ZNF157: variants seen among roughly 807,000 people sequenced by gnomAD.
The protein encoded by ZNF157 is zinc finger protein 157.
A neutral mutation model predicts 9.4 loss-of-function variants in ZNF157; 8 were observed. That is an observed-to-expected ratio of 0.85 (90% confidence interval 0.50 to 1.53). ZNF157 has a LOEUF of 1.53. Ranked by LOEUF, ZNF157 falls within the 40% of genes most tolerant of loss-of-function variation. ZNF157 has a pLI of 0.00. For missense variants in ZNF157, 316 were observed against 385.2 expected, an observed-to-expected ratio of 0.82 and a Z score of 1.50; for synonymous variants, 120 against 130.8, an observed-to-expected ratio of 0.92 and a Z score of 0.56.
chrX:47,384,790 T>C (rs2055874759), intron 1 of ZNF157, among the ~76,000 whole-genome samples: 1 of 112,457 alleles, frequency 8.9e-6, no homozygotes, highest in African/African-American at 3.2e-5. Flanking sequence ...GCCCTTATGA[T>C]TGAAGGACAT....
chrX:47,384,963 A>C (rs952611258), intron 1 of ZNF157, among the ~76,000 whole-genome samples: 16 of 111,529 alleles, frequency 1.4e-4, no homozygotes, highest in African/African-American at 5.2e-4. Flanking sequence ...ACAACCAGGT[A>C]GACTCCTTTC....
intron 1 of ZNF157, among the ~76,000 whole-genome samples, chrX:47,380,968 GAGC>G (rs2055860483): frequency 1.0e-5 from 1 of 100,391 alleles, no homozygotes; most frequent in Non-Finnish European, 2.0e-5. Context: ...AGAAAAGGAG[GAGC>G]AGGAGGAGGA....
chrX:47,377,613 G>T (rs1345826178), intron 1 of ZNF157, among the ~76,000 whole-genome samples: 1 of 109,070 alleles, frequency 9.2e-6, no homozygotes, highest in African/African-American at 3.3e-5. Flanking sequence ...TGTATTTTTA[G>T]TAGAAATGGG....
intron 1 of ZNF157, among the ~76,000 whole-genome samples, chrX:47,396,086 A>G (rs1293625436): frequency 9.0e-6 from 1 of 111,188 alleles, no homozygotes; most frequent in Non-Finnish European, 1.9e-5. Flanking sequence ...TTATATATCC[A>G]CACACGTATG....
At chrX:47,385,115 A>G (rs745404287) in intron 1 of ZNF157, among the ~76,000 whole-genome samples, 15 of 111,814 alleles carry the variant, frequency 1.3e-4, no homozygotes, top group African/African-American at 4.9e-4. Context: ...TGGATGTCCC[A>G]ATGGCGTCCA....
chrX:47,410,837 G>A lies in ZNF157; in HGVS notation c.295+62G>A, dbSNP rs892498165. On this transcript the variant is annotated intron_variant, in intron 3 of 3. Transcript: ENST00000377073. ...GGGGAAATAAGAGCCCAGGAATTCAGGTCAAAGGGTATGCTTGTGCAACAC... is the reference window on the plus strand; with the variant it reads ...GGGGAAATAAGAGCCCAGGAATTCAAGTCAAAGGGTATGCTTGTGCAACAC... 28 of 928,809 alleles carry A rather than the reference G, an allele frequency of 3.0e-5. No individual in the cohort carries two copies. In the South Asian group the frequency reaches 5.0e-4, roughly 17 times the overall value. The allele number at this position is 928,809 out of a possible 1,213,427, so 76.5% of individuals were successfully genotyped here.
intron 1 of ZNF157, among the ~76,000 whole-genome samples, chrX:47,382,595 CTTTTTT>C (rs772429046): frequency 1.0e-5 from 1 of 96,791 alleles, no homozygotes; most frequent in Non-Finnish European, 2.1e-5. Context: ...GGCATGTAGC[CTTTTTT>C]TTTTTTTTAA....
intron 1 of ZNF157, among the ~76,000 whole-genome samples, chrX:47,399,333 C>T (rs1473561990): frequency 9.0e-6 from 1 of 111,511 alleles, no homozygotes; most frequent in African/African-American, 3.3e-5. Flanking sequence ...CACAATCTAT[C>T]TCATTAGGCC....
chrX:47,371,616 C>A (rs1360519127), intron 1 of ZNF157, among the ~76,000 whole-genome samples: 7 of 111,606 alleles, frequency 6.3e-5, no homozygotes, highest in Admixed American at 3.8e-4. Context: ...ATAGTTCATT[C>A]ATTTTTTTTG....
At chrX:47,376,849 A>T (rs1428185470) in intron 1 of ZNF157, among the ~76,000 whole-genome samples, 1 of 111,472 alleles carries the variant, frequency 9.0e-6, no homozygotes, top group Non-Finnish European at 1.9e-5. Flanking sequence ...CTTAGGGAGG[A>T]ACTTAGTTTG....
At chrX:47,405,447 C>T (rs1354232112) in intron 1 of ZNF157, among the ~76,000 whole-genome samples, 2 of 109,802 alleles carry the variant, frequency 1.8e-5, no homozygotes, top group Non-Finnish European at 3.8e-5. Context: ...CACTTCCCAG[C>T]AGGCCCCTCC....
At chrX:47,406,250 G>A (rs768429345) in intron 1 of ZNF157, among the ~76,000 whole-genome samples, 145 of 110,177 alleles carry the variant, frequency 1.3e-3, no homozygotes, top group Non-Finnish European at 1.6e-3. Flanking sequence ...TTTAATAAGC[G>A]AATTAAGCCC....
intron 1 of ZNF157, among the ~76,000 whole-genome samples, chrX:47,381,251 G>C (rs1198357916): frequency 9.1e-6 from 1 of 110,476 alleles, no homozygotes; most frequent in Non-Finnish European, 1.9e-5. Context: ...GAGGAGCAGG[G>C]AGCAATTATT....
intron 1 of ZNF157, among the ~76,000 whole-genome samples, chrX:47,399,985 TTCTC>T (rs1261546048): frequency 2.0e-5 from 2 of 98,767 alleles, no homozygotes; most frequent in Non-Finnish European, 2.1e-5. Context: ...CCAGTTTCTG[TTCTC>T]TCTCTCTTTT....
intron 1 of ZNF157, among the ~76,000 whole-genome samples, chrX:47,396,814 G>A (rs971057236): frequency 8.9e-6 from 1 of 112,028 alleles, no homozygotes; most frequent in Non-Finnish European, 1.9e-5. Context: ...GTTCCACATG[G>A]CTGAGGAGGC....
chrX:47,389,395 G>T (rs2055890286), intron 1 of ZNF157, among the ~76,000 whole-genome samples: 1 of 106,670 alleles, frequency 9.4e-6, no homozygotes, highest in African/African-American at 3.4e-5. Flanking sequence ...TGCTGGTCAG[G>T]CTCAAGTGCA....
intron 1 of ZNF157, among the ~76,000 whole-genome samples, chrX:47,405,518 A>G (rs2055944551): frequency 9.0e-6 from 1 of 111,677 alleles, no homozygotes. Flanking sequence ...GCCAAACCAC[A>G]TCAGGAACAT....
At chrX:47,377,679 G>A (rs191745987) in intron 1 of ZNF157, among the ~76,000 whole-genome samples, 3,580 of 104,599 alleles carry the variant, frequency 0.034, 171 homozygotes, top group African/African-American at 0.12. Flanking sequence ...TGATCCTCCC[G>A]CCTCAGCCTC....
intron 1 of ZNF157, among the ~76,000 whole-genome samples, chrX:47,372,785 T>G (rs2055832570): frequency 9.1e-6 from 1 of 110,078 alleles, no homozygotes; most frequent in Non-Finnish European, 1.9e-5. Flanking sequence ...TGAGCCACCA[T>G]GCCCGGCCTG....
Sources: allele counts gnomAD v4.1 joint callset (sites outside exome capture counted in the v4.1 genomes callset), GRCh38; gene constraint gnomAD v4.1.1; transcripts MANE v1.5; gene names NCBI Gene and HGNC (gene_info 2026-07-23, HGNC 2026-07-21).